The following RABGAP1 variants were observed in gnomAD, a reference collection of about 807,000 sequenced individuals.
RABGAP1 encodes rab GTPase-activating protein 1.
In RABGAP1, 23 loss-of-function variants were observed where a neutral mutation model predicts 137.6. The ratio of observed to expected loss-of-function variants is 0.17; its 90% CI spans 0.12 to 0.24. RABGAP1 has a LOEUF of 0.24. RABGAP1 is among the 10% of genes least tolerant of loss of function. The pLI is 1.00. For missense variants in RABGAP1, 906 were observed against 1,275.8 expected, an observed-to-expected ratio of 0.71 and a Z score of 4.42; for synonymous variants, 451 against 450.7, an observed-to-expected ratio of 1.00 and a Z score of -0.01.
chr9:123,074,504 C>G, intron 17 of RABGAP1, 76 bp downstream of exon 17: 1 of 1,416,964 alleles, frequency 7.1e-7, no homozygotes, highest in Admixed American at 2.3e-5. Context: ...TTTTGAGTGT[C>G]AGCTCTGTCA....
At chr9:123,013,581 C>T (rs34632256) in intron 11 of RABGAP1, among the ~76,000 whole-genome samples, 26,167 of 152,146 alleles carry the variant, frequency 0.17, 2,803 homozygotes, top group South Asian at 0.28. Flanking sequence ...GATCCACCCA[C>T]TTTGGCCTCC....
chr9:123,098,389 G>A (rs761055477), intron 22 of RABGAP1, among the ~76,000 whole-genome samples: 32 of 152,330 alleles, frequency 2.1e-4, no homozygotes, highest in Admixed American at 3.3e-4. Context: ...CTGAAAACCC[G>A]CAGTCCTCTT....
At chr9:122,943,589 A>G (rs1035378979) in intron 1 of RABGAP1, among the ~76,000 whole-genome samples, 1 of 152,166 alleles carries the variant, frequency 6.6e-6, no homozygotes, top group African/African-American at 2.4e-5. Flanking sequence ...TGTATTATGC[A>G]CTTTATCTAC....
intron 2 of RABGAP1, among the ~76,000 whole-genome samples, chr9:122,977,013 A>G (rs547328313): frequency 3.3e-5 from 5 of 152,332 alleles, no homozygotes; most frequent in South Asian, 2.1e-4. Flanking sequence ...GCTGTGACTA[A>G]GTGACTGGAA....
chr9:123,056,731 C>T (rs1431804599), intron 13 of RABGAP1, among the ~76,000 whole-genome samples: 2 of 152,088 alleles, frequency 1.3e-5, no homozygotes, highest in African/African-American at 2.4e-5. Context: ...GCACATCTTG[C>T]ACCGCCCTTA....
chr9:123,023,532 T>G (rs1349298345), intron 13 of RABGAP1, among the ~76,000 whole-genome samples: 1 of 152,178 alleles, frequency 6.6e-6, no homozygotes, highest in Non-Finnish European at 1.5e-5. Context: ...CGTGCTCATT[T>G]GTATCTCACT....
chr9:122,937,481 C>G, upstream of RABGAP1: 1 of 152,112 alleles, frequency 6.6e-6, no homozygotes, highest in East Asian at 1.9e-4. Flanking sequence ...CCTGTAATCT[C>G]AGCTTTTCAG....
At chr9:122,998,350 T>A (rs974910514) in intron 9 of RABGAP1, among the ~76,000 whole-genome samples, 10 of 152,196 alleles carry the variant, frequency 6.6e-5, no homozygotes, top group African/African-American at 1.9e-4. Flanking sequence ...TGCCTTGGTC[T>A]CCTGATGACA....
chr9:123,026,672 T>A (rs1455704889), intron 13 of RABGAP1, among the ~76,000 whole-genome samples: 5 of 152,166 alleles, frequency 3.3e-5, no homozygotes, highest in Non-Finnish European at 5.9e-5. Context: ...TTCTCTTACC[T>A]CCAGTTGCCT....
chr9:123,029,673 C>T (rs1049865893), intron 13 of RABGAP1: 1 of 696,738 alleles, frequency 1.4e-6, no homozygotes, highest in Non-Finnish European at 2.7e-6. Flanking sequence ...TGGCCTTGCC[C>T]CCGGGTTTGT....
At chr9:123,065,277 C>A in intron 13 of RABGAP1, 71 bp from the exon 14 acceptor site, 1 of 1,102,708 alleles carries the variant, frequency 9.1e-7, no homozygotes, top group Non-Finnish European at 1.4e-6. Context: ...ATGAGAAGAC[C>A]TTGCCTAAAC....
chr9:122,983,543 T>C (rs1836195958), intron 2 of RABGAP1, among the ~76,000 whole-genome samples: 1 of 152,234 alleles, frequency 6.6e-6, no homozygotes, highest in African/African-American at 2.4e-5. Context: ...CAGAGGTACC[T>C]ACCTCTGTTA....
intron 1 of RABGAP1, among the ~76,000 whole-genome samples, chr9:122,941,550 G>T (rs1833568009): frequency 6.6e-6 from 1 of 152,226 alleles, no homozygotes; most frequent in African/African-American, 2.4e-5. Flanking sequence ...GCCTCAGGCT[G>T]TCCTGGGCTG....
chr9:122,943,990 T>G (rs929409564), intron 1 of RABGAP1, among the ~76,000 whole-genome samples: 1 of 152,142 alleles, frequency 6.6e-6, no homozygotes, highest in Non-Finnish European at 1.5e-5. Context: ...TTCAGTATAT[T>G]TCCAGCTAAA....
At chr9:123,082,447 CAT>C (rs761232924) in intron 19 of RABGAP1, among the ~76,000 whole-genome samples, 20 of 152,184 alleles carry the variant, frequency 1.3e-4, no homozygotes, top group Admixed American at 5.9e-4. Flanking sequence ...CTGCACCTTG[CAT>C]AGTCTTTAGA....
intron 2 of RABGAP1, among the ~76,000 whole-genome samples, chr9:122,958,820 G>A (rs974308464): frequency 4.6e-5 from 7 of 152,032 alleles, no homozygotes; most frequent in Non-Finnish European, 7.4e-5. Flanking sequence ...ACCAGCCTGG[G>A]GAACATGGCA....
chr9:123,095,210 G>C (rs1019904416), intron 21 of RABGAP1, among the ~76,000 whole-genome samples: 11 of 112,236 alleles, frequency 9.8e-5, no homozygotes, highest in Admixed American at 7.6e-4. Context: ...CTGGGTGACA[G>C]AGTGAAACCT....
chr9:123,090,416 T>A, intron 21 of RABGAP1, 31 bp downstream of exon 21: 2 of 1,506,576 alleles, frequency 1.3e-6, no homozygotes, highest in Non-Finnish European at 1.8e-6. Flanking sequence ...GGGAAAGATC[T>A]CACTGAGACA....
In RABGAP1 at chr9:123,093,194, G is replaced by T. The variant is rs183455676; in HGVS notation, c.2628+2809G>T. 9.2e-5 allele frequency among the ~76,000 whole-genome samples: 14 copies of T among 152,170 alleles called. No individual in the cohort carries two copies. In the East Asian group the frequency reaches 2.7e-3, roughly 29 times the overall value. ...TGGTGTGAGGCTTTAAAATTTCCAGGGCCCTCTTGTATTTTCGGTTGATTA... is the reference window on the plus strand; with the variant it reads ...TGGTGTGAGGCTTTAAAATTTCCAGTGCCCTCTTGTATTTTCGGTTGATTA... On this transcript the variant is annotated intron_variant, in intron 21 of 25. Coordinates refer to ENST00000373647, the MANE Select transcript of RABGAP1 (RefSeq NM_012197.4).
Sources: gnomAD v4.1 joint callset for allele counts (sites outside exome capture counted in the v4.1 genomes callset) on GRCh38, gnomAD v4.1.1 for gene constraint, MANE v1.5 for transcripts, NCBI Gene and HGNC (gene_info 2026-07-23, HGNC 2026-07-21) for gene names.